KHDRBS2: variants seen among roughly 807,000 people sequenced by gnomAD.
The protein encoded by KHDRBS2 is KH RNA binding domain containing, signal transduction associated 2.
KHDRBS2 carries 26 observed loss-of-function variants against 44.3 expected under a neutral mutation model. That is an observed-to-expected ratio of 0.59 (90% confidence interval 0.43 to 0.81). KHDRBS2 has a LOEUF of 0.81. Ranked by LOEUF, KHDRBS2 falls within the 40% of genes least tolerant of loss-of-function variation. The pLI, the probability that KHDRBS2 is intolerant of heterozygous loss-of-function variation, is 0.00. For missense variants in KHDRBS2, 476 were observed against 433.1 expected (o/e 1.10, Z -0.88); for synonymous variants, 194 against 151.1 (o/e 1.28, Z -2.08).
intron 1 of KHDRBS2, among the ~76,000 whole-genome samples, chr6:62,218,445 C>G (rs1222732345): frequency 4.0e-5 from 6 of 151,514 alleles, no homozygotes; most frequent in Non-Finnish European, 8.9e-5. Flanking sequence ...ACAGAACCAA[C>G]ACAAACAAAA....
At chr6:62,024,927 G>A (rs762074551) in intron 3 of KHDRBS2, among the ~76,000 whole-genome samples, 7 of 151,588 alleles carry the variant, frequency 4.6e-5, no homozygotes, top group Non-Finnish European at 8.9e-5. Flanking sequence ...TATACAATCA[G>A]TACAAATAAT....
chr6:61,886,406 T>C (rs963500857), intron 6 of KHDRBS2, among the ~76,000 whole-genome samples: 2 of 152,148 alleles, frequency 1.3e-5, no homozygotes, highest in Non-Finnish European at 1.5e-5. Context: ...CTTCTAAATG[T>C]TATAACTATT....
chr6:61,542,708 A>T, the KHDRBS2 span, among the ~76,000 whole-genome samples: 1 of 151,946 alleles, frequency 6.6e-6, no homozygotes, highest in Non-Finnish European at 1.5e-5. Flanking sequence ...AGTGTTTATT[A>T]TTTACAAGGC....
At chr6:61,605,604 A>G in the KHDRBS2 span, among the ~76,000 whole-genome samples, 2 of 152,018 alleles carry the variant, frequency 1.3e-5, no homozygotes, top group Non-Finnish European at 2.9e-5. Flanking sequence ...TAAATGACAA[A>G]TGTTTCTTCT....
chr6:62,221,385 G>A (rs1830867395), intron 1 of KHDRBS2, among the ~76,000 whole-genome samples: 1 of 151,950 alleles, frequency 6.6e-6, no homozygotes, highest in Non-Finnish European at 1.5e-5. Flanking sequence ...GAAATATAAT[G>A]TACCACATTA....
intron 6 of KHDRBS2, among the ~76,000 whole-genome samples, chr6:61,791,485 G>A (rs1170145197): frequency 1.3e-5 from 2 of 151,318 alleles, no homozygotes; most frequent in African/African-American, 4.8e-5. Flanking sequence ...CTCCCTCAAA[G>A]CATTAGTTAT....
At chr6:61,843,341 T>TTTATTATTATTA (rs70993183) in intron 6 of KHDRBS2, among the ~76,000 whole-genome samples, 3,675 of 143,324 alleles carry the variant, frequency 0.026, 111 homozygotes, top group African/African-American at 0.071. Flanking sequence ...TTATATCTAT[T>TTTATTATTATTA]TTATTATTAT....
intron 2 of KHDRBS2, among the ~76,000 whole-genome samples, chr6:62,135,308 C>T (rs918425786): frequency 1.3e-5 from 2 of 152,144 alleles, no homozygotes; most frequent in African/African-American, 4.8e-5. Context: ...GTAAGACACA[C>T]CTTTTGCCTT....
At chr6:61,937,568 A>G (rs1223942523) in intron 4 of KHDRBS2, among the ~76,000 whole-genome samples, 1 of 152,024 alleles carries the variant, frequency 6.6e-6, no homozygotes, top group Non-Finnish European at 1.5e-5. Context: ...AACTTCTACT[A>G]TATGAGTATC....
At chr6:61,566,221 A>AC in the KHDRBS2 span, among the ~76,000 whole-genome samples, 1 of 152,146 alleles carries the variant, frequency 6.6e-6, no homozygotes, top group African/African-American at 2.4e-5. Context: ...AATGATGGTT[A>AC]CCAGAGGCTG....
the KHDRBS2 span, among the ~76,000 whole-genome samples, chr6:61,608,327 T>C: frequency 1.9e-5 from 1 of 53,812 alleles, no homozygotes; most frequent in East Asian, 3.7e-4. Flanking sequence ...TGTATATATA[T>C]ACATATGTGT....
At chr6:61,770,408 A>C (rs1176152124) in intron 6 of KHDRBS2, among the ~76,000 whole-genome samples, 3 of 152,188 alleles carry the variant, frequency 2.0e-5, no homozygotes, top group Non-Finnish European at 2.9e-5. Flanking sequence ...AGGAAATTCA[A>C]ACCAACGGCA....
chr6:61,773,950 T>C (rs1013111006), intron 6 of KHDRBS2, among the ~76,000 whole-genome samples: 29 of 152,244 alleles, frequency 1.9e-4, no homozygotes, highest in African/African-American at 6.7e-4. Context: ...GATCAGATAG[T>C]TGTAGATAAG....
At chr6:62,237,026 A>G (rs1343869231) in intron 1 of KHDRBS2, among the ~76,000 whole-genome samples, 1 of 152,180 alleles carries the variant, frequency 6.6e-6, no homozygotes, top group African/African-American at 2.4e-5. Flanking sequence ...TTACAGCAGT[A>G]TACTTGGAGC....
intron 6 of KHDRBS2, among the ~76,000 whole-genome samples, chr6:61,779,670 G>C (rs1782632233): frequency 1.3e-5 from 2 of 151,774 alleles, no homozygotes; most frequent in Non-Finnish European, 2.9e-5. Flanking sequence ...CAGAAATGAC[G>C]TGTTATAATT....
the KHDRBS2 span, among the ~76,000 whole-genome samples, chr6:61,637,128 A>G: frequency 1.3e-5 from 2 of 152,028 alleles, no homozygotes; most frequent in Non-Finnish European, 2.9e-5. Context: ...GGTGTGCTGT[A>G]CCCACTAACT....
intron 2 of KHDRBS2, among the ~76,000 whole-genome samples, chr6:62,150,873 CAG>C (rs748501241): frequency 7.2e-5 from 11 of 152,182 alleles, no homozygotes; most frequent in Admixed American, 1.3e-4. Flanking sequence ...AAGCAACTGA[CAG>C]ATCTCTGTCT....
intron 2 of KHDRBS2, among the ~76,000 whole-genome samples, chr6:62,078,769 T>C (rs573826232): frequency 9.1e-4 from 139 of 152,104 alleles, no homozygotes; most frequent in African/African-American, 3.2e-3. Context: ...TACTTTAGTT[T>C]CTACTTCCAT....
At chr6:62,062,531 G>C (rs1792242787) in intron 2 of KHDRBS2, among the ~76,000 whole-genome samples, 1 of 151,776 alleles carries the variant, frequency 6.6e-6, no homozygotes, top group African/African-American at 2.4e-5. Context: ...AATGACTACT[G>C]GGTACATAAC....
Sources: allele counts gnomAD v4.1 joint callset (sites outside exome capture counted in the v4.1 genomes callset), GRCh38; gene constraint gnomAD v4.1.1; transcripts MANE v1.5; gene names NCBI Gene and HGNC (gene_info 2026-07-23, HGNC 2026-07-21).